FARP1: variants seen among roughly 807,000 people sequenced by gnomAD.
The protein encoded by FARP1 is FERM, ARHGEF and pleckstrin domain-containing protein 1.
A neutral mutation model predicts 128.8 loss-of-function variants in FARP1; 52 were observed. That is an observed-to-expected ratio of 0.40 (90% confidence interval 0.32 to 0.51). The LOEUF is 0.51. Ranked by LOEUF, FARP1 falls within the 20% of genes least tolerant of loss-of-function variation. FARP1 has a pLI of 0.45. For synonymous variants in FARP1, 580 were observed against 551.8 expected (o/e 1.05, Z -0.72); for missense variants, 1,333 against 1,367.9 (o/e 0.97, Z 0.40).
chr13:98,152,223 A>G (rs1355678258), intron 1 of FARP1, among the ~76,000 whole-genome samples: 1 of 152,140 alleles, frequency 6.6e-6, no homozygotes, highest in Non-Finnish European at 1.5e-5. Flanking sequence ...CTTGTTGGCC[A>G]TGGTTAATTA....
chr13:98,318,658 C>CA (rs1886848994), intron 2 of FARP1, among the ~76,000 whole-genome samples: 1 of 152,196 alleles, frequency 6.6e-6, no homozygotes. Context: ...TTTGACCTTG[C>CA]ATGGCGCCAG....
At chr13:98,415,731 C>G (rs1339204785) in intron 16 of FARP1, among the ~76,000 whole-genome samples, 1 of 152,266 alleles carries the variant, frequency 6.6e-6, no homozygotes, top group Non-Finnish European at 1.5e-5. Context: ...AAGGATTCAC[C>G]CTGGCTACTG....
intron 1 of FARP1, among the ~76,000 whole-genome samples, chr13:98,206,534 G>T (rs1880281576): frequency 6.6e-6 from 1 of 152,112 alleles, no homozygotes; most frequent in African/African-American, 2.4e-5. Flanking sequence ...CCTTCTTTCT[G>T]ACCTTCACTG....
At chr13:98,394,393 C>T (rs1446475049) in intron 12 of FARP1, among the ~76,000 whole-genome samples, 3 of 152,220 alleles carry the variant, frequency 2.0e-5, no homozygotes, top group Non-Finnish European at 2.9e-5. Flanking sequence ...TGTCCTTTGT[C>T]GTTTTTCTGA....
At chr13:98,247,188 G>A (rs1313085039) in intron 2 of FARP1, among the ~76,000 whole-genome samples, 2 of 152,220 alleles carry the variant, frequency 1.3e-5, no homozygotes, top group African/African-American at 4.8e-5. Context: ...GTTGCAGTGA[G>A]CTGAGATCGC....
intron 1 of FARP1, among the ~76,000 whole-genome samples, chr13:98,167,830 A>T (rs1044412825): frequency 4.6e-5 from 7 of 152,228 alleles, no homozygotes; most frequent in Non-Finnish European, 2.9e-5. Flanking sequence ...AATCAGTAGT[A>T]ATGATGCACA....
chr13:98,405,249 C>T (rs927742353), intron 13 of FARP1: 16 of 152,164 alleles, frequency 1.1e-4, no homozygotes, highest in African/African-American at 3.6e-4. Context: ...CCAGACCGGC[C>T]AAGAGGGAAG....
At chr13:98,210,985 G>A (rs1880670533) in intron 1 of FARP1, among the ~76,000 whole-genome samples, 1 of 152,280 alleles carries the variant, frequency 6.6e-6, no homozygotes, top group African/African-American at 2.4e-5. Context: ...AGCATGAATT[G>A]TTACAGGTGA....
intron 18 of FARP1, chr13:98,434,843 A>G (rs1406364868): frequency 1.3e-5 from 2 of 152,148 alleles, no homozygotes; most frequent in African/African-American, 4.8e-5. Context: ...GAAAATACAA[A>G]ATTAGCCGGG....
chr13:98,336,531 C>CA (rs1887752681), intron 2 of FARP1, among the ~76,000 whole-genome samples: 1 of 152,196 alleles, frequency 6.6e-6, no homozygotes, highest in South Asian at 2.1e-4. Flanking sequence ...CTTGGCCTCC[C>CA]AAAGTGCTGG....
At chr13:98,443,925 T>C (rs1474693003) in intron 24 of FARP1, among the ~76,000 whole-genome samples, 1 of 40,990 alleles carries the variant, frequency 2.4e-5, no homozygotes, top group South Asian at 1.2e-3. Flanking sequence ...GGCACGGGGG[T>C]TATATTTGTT....
intron 2 of FARP1, among the ~76,000 whole-genome samples, chr13:98,262,183 T>A (rs1883916388): frequency 1.1e-5 from 1 of 90,664 alleles, no homozygotes; most frequent in Non-Finnish European, 2.1e-5. Context: ...GCCCTGCTAA[T>A]TTTTTTTTTT....
intron 2 of FARP1, among the ~76,000 whole-genome samples, chr13:98,291,057 C>T (rs1885426216): frequency 1.3e-5 from 2 of 152,050 alleles, no homozygotes; most frequent in Admixed American, 1.3e-4. Context: ...GGTTGGGGTG[C>T]CCAACCTGTG....
intron 1 of FARP1, among the ~76,000 whole-genome samples, chr13:98,152,937 T>A (rs1876118460): frequency 6.6e-6 from 1 of 152,074 alleles, no homozygotes; most frequent in Non-Finnish European, 1.5e-5. Flanking sequence ...GCAGTTTGGG[T>A]TACAGAACAT....
chr13:98,273,271 A>T (rs1433009953), intron 2 of FARP1, among the ~76,000 whole-genome samples: 1 of 152,212 alleles, frequency 6.6e-6, no homozygotes, highest in African/African-American at 2.4e-5. Context: ...GACGTCTGTT[A>T]ACCAAGATAC....
intron 1 of FARP1, among the ~76,000 whole-genome samples, chr13:98,207,909 CA>C (rs1202537447): frequency 1.7e-3 from 16 of 9,276 alleles, no homozygotes; most frequent in Admixed American, 0.015. Context: ...CCACCACCTC[CA>C]CACACACACA....
At chr13:98,362,277 A>G (rs1888903380) in intron 3 of FARP1, among the ~76,000 whole-genome samples, 1 of 152,102 alleles carries the variant, frequency 6.6e-6, no homozygotes, top group Non-Finnish European at 1.5e-5. Flanking sequence ...CAAGTGAACA[A>G]TACCCTTACC....
intron 1 of FARP1, among the ~76,000 whole-genome samples, chr13:98,196,030 A>T (rs1223477784): frequency 6.6e-6 from 1 of 152,126 alleles, no homozygotes; most frequent in Non-Finnish European, 1.5e-5. Flanking sequence ...TGTCTTCAAG[A>T]CATATTAGTA....
Position 98,340,142 on chromosome 13 carries a change from T to C in FARP1, c.172-3620T>C, listed in dbSNP as rs73559070. Among the ~76,000 whole-genome samples the C allele has an allele frequency of 2.4e-3, 366 of 152,166 alleles. 2 individuals carry two copies. The highest frequency in any genetic ancestry group is 8.2e-3 in the African/African-American group (339 of 41,532). ...AATTTTTAAGTCTCATTTCCCAGAC[T>C]CTGTAAATCTAGATGAAGTTATCAA... On this transcript the variant is annotated intron_variant, in intron 2 of 26. Transcript: ENST00000319562.
Sources: allele counts gnomAD v4.1 joint callset (sites outside exome capture counted in the v4.1 genomes callset), GRCh38; gene constraint gnomAD v4.1.1; transcripts MANE v1.5; gene names NCBI Gene and HGNC (gene_info 2026-07-23, HGNC 2026-07-21).